TNR: variants seen among roughly 807,000 people sequenced by gnomAD.
The protein encoded by TNR is tenascin-R.
TNR carries 45 observed loss-of-function variants against 150.4 expected under a neutral mutation model. The ratio of observed to expected loss-of-function variants is 0.30; its 90% CI spans 0.24 to 0.38. TNR has a LOEUF of 0.38. TNR is among the 10% of genes least tolerant of loss of function. The pLI is 1.00. For missense variants in TNR, 1,544 were observed against 1,759.1 expected, an observed-to-expected ratio of 0.88 and a Z score of 2.19; for synonymous variants, 687 against 678.4, an observed-to-expected ratio of 1.01 and a Z score of -0.20.
At chr1:175,323,723 G>T (rs1227953624) in intron 22 of TNR, among the ~76,000 whole-genome samples, 1 of 152,226 alleles carries the variant, frequency 6.6e-6, no homozygotes, top group Non-Finnish European at 1.5e-5. Context: ...CTTATTGCCA[G>T]CTTTGTTTTT....
chr1:175,348,043 G>A (rs1305059577), intron 18 of TNR, among the ~76,000 whole-genome samples: 1 of 152,098 alleles, frequency 6.6e-6, no homozygotes, highest in African/African-American at 2.4e-5. Context: ...GAATCAATAA[G>A]AGAGTTCAGC....
intron 2 of TNR, among the ~76,000 whole-genome samples, chr1:175,447,776 G>A (rs1656129827): frequency 6.6e-6 from 1 of 152,182 alleles, no homozygotes; most frequent in Non-Finnish European, 1.5e-5. Context: ...AGCTCCGTGT[G>A]GTCAGGGAGA....
At chr1:175,395,438 T>C (rs1411444393) in intron 5 of TNR, among the ~76,000 whole-genome samples, 2 of 152,242 alleles carry the variant, frequency 1.3e-5, no homozygotes, top group African/African-American at 2.4e-5. Flanking sequence ...AGAGGGCTTA[T>C]GTTTTCATGG....
chr1:175,578,859 G>A (rs1317393043), intron 1 of TNR, among the ~76,000 whole-genome samples: 1 of 152,154 alleles, frequency 6.6e-6, no homozygotes, highest in Non-Finnish European at 1.5e-5. Flanking sequence ...GAGCAGGTGA[G>A]GGTGGTGGCT....
At chr1:175,501,433 G>A (rs1200458973) in intron 2 of TNR, among the ~76,000 whole-genome samples, 18 of 152,196 alleles carry the variant, frequency 1.2e-4, no homozygotes, top group Admixed American at 1.1e-3. Flanking sequence ...CCAACCACCT[G>A]AATGAGCTTG....
At chr1:175,736,440 G>T (rs1347559991) in intron 1 of TNR, among the ~76,000 whole-genome samples, 1 of 152,034 alleles carries the variant, frequency 6.6e-6, no homozygotes, top group Admixed American at 6.5e-5. Flanking sequence ...AGAATGGCGT[G>T]AACCCGGGAG....
intron 1 of TNR, among the ~76,000 whole-genome samples, chr1:175,645,293 A>T (rs961409650): frequency 1.3e-5 from 2 of 152,220 alleles, no homozygotes; most frequent in Non-Finnish European, 2.9e-5. Context: ...CAAGAAAATG[A>T]AGCAGAAGGA....
chr1:175,544,800 G>A (rs1465869852), intron 1 of TNR, among the ~76,000 whole-genome samples: 1 of 152,188 alleles, frequency 6.6e-6, no homozygotes, highest in African/African-American at 2.4e-5. Context: ...ATCATTGGCT[G>A]TTTTTCTTGG....
chr1:175,485,267 G>A (rs988716256), intron 2 of TNR, among the ~76,000 whole-genome samples: 4 of 152,188 alleles, frequency 2.6e-5, no homozygotes, highest in African/African-American at 9.7e-5. Context: ...TAAGGGAGCA[G>A]GCACAAGAGA....
intron 1 of TNR, among the ~76,000 whole-genome samples, chr1:175,543,218 A>G (rs2102191460): frequency 6.6e-6 from 1 of 152,300 alleles, no homozygotes; most frequent in African/African-American, 2.4e-5. Flanking sequence ...GAGAACTCCC[A>G]GGGGGGAGCA....
chr1:175,690,563 T>C (rs1207642098), intron 1 of TNR, among the ~76,000 whole-genome samples: 1 of 152,192 alleles, frequency 6.6e-6, no homozygotes, highest in Non-Finnish European at 1.5e-5. Flanking sequence ...GGAAGACCCG[T>C]GTGGCTGTAG....
intron 1 of TNR, among the ~76,000 whole-genome samples, chr1:175,695,245 C>G (rs1454443943): frequency 6.6e-6 from 1 of 152,172 alleles, no homozygotes; most frequent in Non-Finnish European, 1.5e-5. Context: ...TCAAGGGGCC[C>G]AGTGGAGAGT....
intron 2 of TNR, among the ~76,000 whole-genome samples, chr1:175,471,848 A>G (rs1657307840): frequency 6.6e-6 from 1 of 152,246 alleles, no homozygotes; most frequent in South Asian, 2.1e-4. Flanking sequence ...ACTCTTTTGC[A>G]ATAACGTAAC....
At chr1:175,381,007 G>A (rs535331919) in intron 8 of TNR, among the ~76,000 whole-genome samples, 2 of 152,356 alleles carry the variant, frequency 1.3e-5, no homozygotes, top group East Asian at 1.9e-4. Flanking sequence ...TCTGTTTAGC[G>A]ATGTAAATTG....
intron 1 of TNR, among the ~76,000 whole-genome samples, chr1:175,627,384 A>T (rs1478501677): frequency 6.6e-6 from 1 of 152,198 alleles, no homozygotes; most frequent in East Asian, 1.9e-4. Flanking sequence ...GCCTCACAGC[A>T]TTGGTGTAAA....
At chr1:175,660,395 G>C (rs1665326228) in intron 1 of TNR, among the ~76,000 whole-genome samples, 1 of 152,208 alleles carries the variant, frequency 6.6e-6, no homozygotes. Flanking sequence ...CCTGCGAGAA[G>C]GTCACTGATC....
chr1:175,415,699 C>T (rs1654412020), intron 2 of TNR, among the ~76,000 whole-genome samples: 2 of 152,186 alleles, frequency 1.3e-5, no homozygotes, highest in Non-Finnish European at 2.9e-5. Flanking sequence ...CTGGTCTTGT[C>T]CTGGGGTTCT....
intron 2 of TNR, among the ~76,000 whole-genome samples, chr1:175,444,465 C>G (rs1655943160): frequency 6.6e-6 from 1 of 152,216 alleles, no homozygotes; most frequent in Non-Finnish European, 1.5e-5. Context: ...CACTGGGTTC[C>G]TTACTCCTTG....
rs913209168 is a variant in TNR, at chr1:175,317,331, C to T, written c.*6026G>A. ...GCCTAAACTTTCTTGCCCTTGGTTT[C>T]CTTGAGAGGAAATAAAATGAGAGGA... On this transcript the variant is annotated 3_prime_UTR_variant, in exon 23 of 23. Coordinates refer to ENST00000367674, the MANE Select transcript of TNR (RefSeq NM_003285.3). 5.3e-5 allele frequency: 8 copies of T among 152,150 alleles called. No homozygotes were observed. The highest frequency in any genetic ancestry group is 1.4e-4 in the African/African-American group (6 of 41,418). The allele number at this position is 152,150 out of a possible 1,614,324, so 9.4% of individuals were successfully genotyped here.
Sources: allele counts gnomAD v4.1 joint callset (sites outside exome capture counted in the v4.1 genomes callset), GRCh38; gene constraint gnomAD v4.1.1; transcripts MANE v1.5; gene names NCBI Gene and HGNC (gene_info 2026-07-23, HGNC 2026-07-21).